The following CNTN1 variants were observed in gnomAD, a reference collection of about 807,000 sequenced individuals.
CNTN1 encodes contactin 1, also known as contactin-1.
CNTN1 carries 38 observed loss-of-function variants against 126.4 expected under a neutral mutation model. That is an observed-to-expected ratio of 0.30 (90% CI 0.23 to 0.39). The LOEUF (loss-of-function observed/expected upper bound fraction) is 0.39, where lower values mean the gene tolerates loss of function less well. CNTN1 is among the 10% of genes least tolerant of loss of function. CNTN1 has a pLI of 1.00. For missense variants in CNTN1, 1,009 were observed against 1,248.4 expected (o/e 0.81, Z 2.89); for synonymous variants, 413 against 422.6 (o/e 0.98, Z 0.28).
intron 17 of CNTN1, among the ~76,000 whole-genome samples, chr12:40,996,672 T>G (rs1400603412): frequency 2.0e-5 from 3 of 152,160 alleles, no homozygotes; most frequent in Non-Finnish European, 4.4e-5. Flanking sequence ...TTTATAAGCA[T>G]AGAAGAAAGA....
At chr12:40,733,980 C>T (rs1290611357) in intron 1 of CNTN1, among the ~76,000 whole-genome samples, 1 of 152,036 alleles carries the variant, frequency 6.6e-6, no homozygotes, top group East Asian at 1.9e-4. Context: ...TGGGTTTTCC[C>T]TGCAACTCTC....
intron 20 of CNTN1, among the ~76,000 whole-genome samples, chr12:41,020,823 A>G (rs1294075837): frequency 6.6e-6 from 1 of 152,226 alleles, no homozygotes; most frequent in Admixed American, 6.5e-5. Flanking sequence ...TCTTTGAGTC[A>G]GTAGTTCCAT....
In CNTN1 at chr12:40,693,455, C is replaced by G. The variant is rs137928107; in HGVS notation, c.-77+863C>G. On this transcript the variant is annotated intron_variant, in intron 1 of 23. Coordinates refer to ENST00000551295, the MANE Select transcript of CNTN1 (RefSeq NM_001843.4). ...AGTAGGTGTTGGCCCAGTGCCGGTTCCTGCAGGAGTCAGATTGCTGGGAGC... is the reference window on the plus strand; with the variant it reads ...AGTAGGTGTTGGCCCAGTGCCGGTTGCTGCAGGAGTCAGATTGCTGGGAGC... 1.1e-3 allele frequency among the ~76,000 whole-genome samples: 175 copies of G among 152,304 alleles called. 1 individual carries two copies. The highest frequency in any genetic ancestry group is 4.1e-3 in the African/African-American group (170 of 41,562).
chr12:41,056,440 A>G (rs1949803506), intron 23 of CNTN1, among the ~76,000 whole-genome samples: 1 of 152,164 alleles, frequency 6.6e-6, no homozygotes, highest in Admixed American at 6.6e-5. Context: ...TTAGTTCCAT[A>G]TGGCAATTTT....
rs576173404 is a variant in CNTN1, at chr12:40,751,877, G to A, written c.-77+59285G>A. Among the ~76,000 whole-genome samples the A allele has an allele frequency of 3.9e-5, 6 of 152,126 alleles. No homozygotes were observed. In the South Asian group the frequency reaches 8.3e-4, roughly 21 times the overall value. ...TCTAAAGAGCCTCATAAATTAAAGCGTTTACTATAAGAAGGTGCTAATTGA... is the reference window on the plus strand; with the variant it reads ...TCTAAAGAGCCTCATAAATTAAAGCATTTACTATAAGAAGGTGCTAATTGA... On this transcript the variant is annotated intron_variant, in intron 1 of 23. Coordinates refer to ENST00000551295, the MANE Select transcript of CNTN1 (RefSeq NM_001843.4).
In CNTN1 at chr12:41,070,347, A is replaced by G. The variant is rs1950135628; in HGVS notation, c.*312A>G. 1 of 418,558 alleles carries G rather than the reference A, an allele frequency of 2.4e-6. No individual in the cohort carries two copies. Among genetic ancestry groups the G allele is most frequent in the South Asian group, 2.2e-5 (1 of 46,354 alleles). The allele number at this position is 418,558 out of a possible 1,614,324, so 25.9% of individuals were successfully genotyped here. A position where few individuals can be genotyped will look rare whatever the true frequency, so the allele number is the denominator to read the frequency against. On this transcript the variant is annotated 3_prime_UTR_variant, in exon 24 of 24. Coordinates refer to ENST00000551295, the MANE Select transcript of CNTN1 (RefSeq NM_001843.4). ...GGGACAAGTTACAGTGTTCAATTCA[A>G]TACTATAGGCTGTAGAGTGAAAGTC...
At chr12:40,902,653 C>G (rs1047561061) in intron 1 of CNTN1, among the ~76,000 whole-genome samples, 1 of 152,092 alleles carries the variant, frequency 6.6e-6, no homozygotes, top group Non-Finnish European at 1.5e-5. Context: ...GAGATGTTCT[C>G]TGTCAATGTA....
At chr12:41,049,971 C>T (rs532855977) in intron 23 of CNTN1, among the ~76,000 whole-genome samples, 1 of 152,334 alleles carries the variant, frequency 6.6e-6, no homozygotes, top group African/African-American at 2.4e-5. Flanking sequence ...ACAATCTCGG[C>T]TTACTGCAAC....
chr12:40,730,410 T>C (rs931151998), intron 1 of CNTN1, among the ~76,000 whole-genome samples: 2 of 152,248 alleles, frequency 1.3e-5, no homozygotes, highest in African/African-American at 4.8e-5. Flanking sequence ...TGTCTCCAGC[T>C]GTGAGCACAG....
chr12:40,717,191 A>G (rs1942072604), intron 1 of CNTN1, among the ~76,000 whole-genome samples: 1 of 152,164 alleles, frequency 6.6e-6, no homozygotes. Context: ...ACAAGCAAAA[A>G]GTTGACTAAA....
intron 14 of CNTN1, among the ~76,000 whole-genome samples, chr12:40,948,175 T>C (rs1220133190): frequency 6.6e-6 from 1 of 151,592 alleles, no homozygotes; most frequent in Non-Finnish European, 1.5e-5. Flanking sequence ...AGTATATAAG[T>C]GGTTATTAAT....
chr12:40,773,633 G>GTA lies in CNTN1; in HGVS notation c.-77+81062_-77+81063dup, dbSNP rs371522549. Among the ~76,000 whole-genome samples the GTA allele has an allele frequency of 1.7e-3, 80 of 46,546 alleles. 2 individuals carry two copies. Among genetic ancestry groups the GTA allele is most frequent in the African/African-American group, 4.6e-3 (69 of 14,954 alleles). 30.5% of individuals were successfully genotyped at this position (46,546 alleles called of 152,430 possible). A position where few individuals can be genotyped will look rare whatever the true frequency, so the allele number is the denominator to read the frequency against. On this transcript the variant is annotated intron_variant, in intron 1 of 23. Transcript: ENST00000551295. ...TTTTTCTGACCTCTGACCAGAAACTGTATATATATATATATATATATACAC... is the reference window on the plus strand; with the variant it reads ...TTTTTCTGACCTCTGACCAGAAACTGTATATATATATATATATATATATACAC...
intron 23 of CNTN1, among the ~76,000 whole-genome samples, chr12:41,065,339 G>A (rs911366238): frequency 6.6e-6 from 1 of 152,180 alleles, no homozygotes; most frequent in African/African-American, 2.4e-5. Context: ...ACAGGCGTGA[G>A]CCACCGCACC....
chr12:40,959,329 A>G, intron 15 of CNTN1, 95 bp downstream of exon 15: 1 of 1,320,214 alleles, frequency 7.6e-7, no homozygotes, highest in Non-Finnish European at 1.1e-6. Context: ...AAATTCTTAC[A>G]TATTTAGAGT....
chr12:40,964,642 GAT>G (rs371240727), intron 15 of CNTN1, among the ~76,000 whole-genome samples: 371 of 151,464 alleles, frequency 2.4e-3, no homozygotes, highest in African/African-American at 8.7e-3. Flanking sequence ...CATCTTTATT[GAT>G]ATACCCTGTT....
At chr12:41,006,790 A>G (rs1274586804) in intron 17 of CNTN1, among the ~76,000 whole-genome samples, 2 of 152,218 alleles carry the variant, frequency 1.3e-5, no homozygotes, top group Non-Finnish European at 2.9e-5. Flanking sequence ...ACTGAGTCAA[A>G]GCATTTGCAT....
At chr12:41,015,267 T>A in intron 18 of CNTN1, among the ~76,000 whole-genome samples, 1 of 152,172 alleles carries the variant, frequency 6.6e-6, no homozygotes, top group South Asian at 2.1e-4. Flanking sequence ...TGTCCAAAAA[T>A]GCAAATATTA....
At chr12:40,875,215 G>A (rs1375334369) in intron 1 of CNTN1, among the ~76,000 whole-genome samples, 2 of 152,062 alleles carry the variant, frequency 1.3e-5, no homozygotes, top group Non-Finnish European at 2.9e-5. Flanking sequence ...CTTGTTCTGA[G>A]ATAATTGTAA....
At chr12:41,009,795 G>A (rs73116979) in intron 17 of CNTN1, among the ~76,000 whole-genome samples, 2,186 of 152,254 alleles carry the variant, frequency 0.014, 19 homozygotes, top group Middle Eastern at 0.034. Flanking sequence ...GATGGATCTG[G>A]ACTGGCCTAG....
Sources: gnomAD v4.1 joint callset for allele counts (sites outside exome capture counted in the v4.1 genomes callset) on GRCh38, gnomAD v4.1.1 for gene constraint, MANE v1.5 for transcripts, NCBI Gene and HGNC (gene_info 2026-07-23, HGNC 2026-07-21) for gene names.